IGFL2: variants seen among roughly 807,000 people sequenced by gnomAD.
IGFL2 encodes IGF like family member 2, also known as insulin growth factor-like family member 2.
In IGFL2, 7 loss-of-function variants were observed where a neutral mutation model predicts 13.9. That is an observed-to-expected ratio of 0.51 (90% CI 0.29 to 0.95). The LOEUF is 0.95. Among genes scored for constraint, IGFL2 ranks in the 40% least tolerant of loss-of-function variants. The probability of loss-of-function intolerance (pLI) is 0.08; values close to 1 mark genes in which losing one functional copy is unlikely to be tolerated. For missense variants in IGFL2, 138 were observed against 147.8 expected, an observed-to-expected ratio of 0.93 and a Z score of 0.34; for synonymous variants, 55 against 55.8, an observed-to-expected ratio of 0.99 and a Z score of 0.07.
At chr19:46,121,956 A>G in the IGFL2 span, among the ~76,000 whole-genome samples, 6 of 150,994 alleles carry the variant, frequency 4.0e-5, no homozygotes, top group African/African-American at 1.5e-4. Flanking sequence ...TTAAAATGTA[A>G]AAATGTAAAA....
At chr19:46,145,455 C>T (rs1346571045), upstream of IGFL2, among the ~76,000 whole-genome samples, 2 of 152,068 alleles carry the variant, frequency 1.3e-5, no homozygotes, top group African/African-American at 2.4e-5. Context: ...CCACACGTGA[C>T]TTACCTACCA....
chr19:46,137,254 G>T, the IGFL2 span: 1 of 1,371,494 alleles, frequency 7.3e-7, no homozygotes, highest in South Asian at 1.2e-5. Context: ...TTGGATCTTT[G>T]CCATCCTTTC....
In IGFL2 at chr19:46,151,166, G is replaced by A. The variant is rs546591960; in HGVS notation, c.19+2869G>A. ...ATTCTACATACAAGTGAGATGGTGT[G>A]GTATTTGTCTTTCTGTGGGTTGCTT... On this transcript the variant is annotated intron_variant, in intron 1 of 3. Coordinates refer to ENST00000377693, the MANE Select transcript of IGFL2 (RefSeq NM_001135113.2). Among the ~76,000 whole-genome samples, 127 of 152,176 alleles carry A rather than the reference G, an allele frequency of 8.3e-4. 2 individuals are homozygous for A. The Middle Eastern group carries it at 0.017, about 20-fold the overall frequency.
chr19:46,200,535 G>A, the IGFL2 span, among the ~76,000 whole-genome samples: 39 of 69,592 alleles, frequency 5.6e-4, no homozygotes, highest in Admixed American at 4.1e-3. Flanking sequence ...TCTTTCTTTC[G>A]TTCAGGGTCT....
At chr19:46,161,492 A>C (rs931062174), downstream of IGFL2, among the ~76,000 whole-genome samples, 1 of 152,212 alleles carries the variant, frequency 6.6e-6, no homozygotes, top group Non-Finnish European at 1.5e-5. Flanking sequence ...AGTTTCCTCT[A>C]TTAATCTATG....
the IGFL2 span, among the ~76,000 whole-genome samples, chr19:46,116,334 C>T: frequency 3.3e-5 from 5 of 152,110 alleles, no homozygotes; most frequent in South Asian, 1.0e-3. Flanking sequence ...GCAATATCTA[C>T]TTGTGGTTTT....
At chr19:46,185,202 C>G in the IGFL2 span, among the ~76,000 whole-genome samples, 1 of 152,132 alleles carries the variant, frequency 6.6e-6, no homozygotes, top group Admixed American at 6.6e-5. Flanking sequence ...TGTAGGTTGT[C>G]TGTTCACTCT....
chr19:46,179,086 A>G, the IGFL2 span, among the ~76,000 whole-genome samples: 1 of 151,848 alleles, frequency 6.6e-6, no homozygotes, highest in Middle Eastern at 3.4e-3. Context: ...GCAGGGCTGC[A>G]GGGGTCCGGG....
At chr19:46,102,036 C>T in the IGFL2 span, among the ~76,000 whole-genome samples, 1 of 152,186 alleles carries the variant, frequency 6.6e-6, no homozygotes, top group African/African-American at 2.4e-5. Flanking sequence ...ATCTAAGTGG[C>T]TGGAGCTGGA....
At chr19:46,138,461 C>T (rs1300153629), upstream of IGFL2, among the ~76,000 whole-genome samples, 1 of 152,196 alleles carries the variant, frequency 6.6e-6, no homozygotes, top group African/African-American at 2.4e-5. Context: ...GACAAAAGTG[C>T]TTCATCTGGG....
chr19:46,149,652 C>A (rs1488130331), intron 1 of IGFL2, among the ~76,000 whole-genome samples: 1 of 150,896 alleles, frequency 6.6e-6, no homozygotes, highest in Non-Finnish European at 1.5e-5. Context: ...TTTCGTGTAA[C>A]TTTTTTTTTA....
chr19:46,118,748 C>T, the IGFL2 span, among the ~76,000 whole-genome samples: 1 of 152,196 alleles, frequency 6.6e-6, no homozygotes, highest in African/African-American at 2.4e-5. Context: ...GAGTTACTGC[C>T]TCCCTGCTGA....
chr19:46,115,671 T>G, the IGFL2 span, among the ~76,000 whole-genome samples: 3 of 152,100 alleles, frequency 2.0e-5, no homozygotes, highest in Non-Finnish European at 2.9e-5. Flanking sequence ...AATTTAATCT[T>G]GTGTTTGCAG....
chr19:46,212,809 G>A, the IGFL2 span: 1 of 152,042 alleles, frequency 6.6e-6, no homozygotes, highest in African/African-American at 2.4e-5. Context: ...ACCAGTGTCT[G>A]ACACAAAGCC....
chr19:46,177,402 T>G, the IGFL2 span, among the ~76,000 whole-genome samples: 425 of 152,206 alleles, frequency 2.8e-3, 1 homozygote, highest in African/African-American at 9.5e-3. Context: ...CAAAACAATA[T>G]ACAGATAGTT....
chr19:46,211,571 G>A, the IGFL2 span: 6 of 151,946 alleles, frequency 3.9e-5, no homozygotes, highest in African/African-American at 1.4e-4. Context: ...AAATGCCAAC[G>A]TCCTCCGGGG....
chr19:46,079,247 G>C, the IGFL2 span, among the ~76,000 whole-genome samples: 1 of 152,274 alleles, frequency 6.6e-6, no homozygotes, highest in Non-Finnish European at 1.5e-5. Context: ...CAATTGGGAT[G>C]CTGCAGAGTT....
At chr19:46,095,037 A>G in the IGFL2 span, among the ~76,000 whole-genome samples, 3 of 152,198 alleles carry the variant, frequency 2.0e-5, no homozygotes, top group Non-Finnish European at 4.4e-5. Flanking sequence ...TCCTTTGTGT[A>G]TATACCCAGT....
chr19:46,092,704 C>T, the IGFL2 span, among the ~76,000 whole-genome samples: 1 of 151,648 alleles, frequency 6.6e-6, no homozygotes, highest in Non-Finnish European at 1.5e-5. Context: ...TTGTCTTGAA[C>T]TCCTGGCCTC....
Sources: allele counts gnomAD v4.1 joint callset (sites outside exome capture counted in the v4.1 genomes callset), GRCh38; gene constraint gnomAD v4.1.1; transcripts MANE v1.5; gene names NCBI Gene and HGNC (gene_info 2026-07-23, HGNC 2026-07-21).